ZBTB7C: variants seen among roughly 807,000 people sequenced by gnomAD.
ZBTB7C encodes zinc finger and BTB domain-containing protein 7C.
In ZBTB7C, 8 loss-of-function variants were observed where a neutral mutation model predicts 25.7. The observed-to-expected ratio is 0.31, with a 90% CI of 0.18 to 0.56. ZBTB7C has a LOEUF of 0.56. ZBTB7C is among the 20% of genes least tolerant of loss of function. The pLI, the probability that ZBTB7C is intolerant of heterozygous loss-of-function variation, is 0.91. For synonymous variants in ZBTB7C, 394 were observed against 369.0 expected, an observed-to-expected ratio of 1.07 and a Z score of -0.78; for missense variants, 824 against 855.2, an observed-to-expected ratio of 0.96 and a Z score of 0.46.
At chr18:48,343,106 T>A (rs1568387681) in intron 1 of ZBTB7C, among the ~76,000 whole-genome samples, 1 of 152,204 alleles carries the variant, frequency 6.6e-6, no homozygotes. Context: ...ACCAGCTGGC[T>A]GTGCGACCTT....
chr18:48,231,631 G>A (rs766559195), intron 2 of ZBTB7C, among the ~76,000 whole-genome samples: 1 of 152,198 alleles, frequency 6.6e-6, no homozygotes, highest in Admixed American at 6.5e-5. Context: ...CTTCCTGGAT[G>A]CAGGACAAGA....
intron 2 of ZBTB7C, among the ~76,000 whole-genome samples, chr18:48,217,263 G>A (rs1002600030): frequency 1.3e-5 from 2 of 152,154 alleles, no homozygotes; most frequent in African/African-American, 2.4e-5. Flanking sequence ...TCTCCCCAGC[G>A]TTCTTTGGTA....
At chr18:48,281,177 T>C (rs1412631000) in intron 2 of ZBTB7C, among the ~76,000 whole-genome samples, 3 of 152,114 alleles carry the variant, frequency 2.0e-5, no homozygotes, top group African/African-American at 7.2e-5. Flanking sequence ...AATTAAAATC[T>C]TTGACAAACC....
intron 3 of ZBTB7C, among the ~76,000 whole-genome samples, chr18:48,147,297 C>T (rs768619357): frequency 2.6e-5 from 4 of 152,102 alleles, no homozygotes; most frequent in Non-Finnish European, 5.9e-5. Flanking sequence ...AGGCTGGTCT[C>T]GAACTCCTGA....
chr18:48,208,745 C>G (rs1387019945), intron 2 of ZBTB7C, among the ~76,000 whole-genome samples: 1 of 152,244 alleles, frequency 6.6e-6, no homozygotes. Flanking sequence ...ATCTCAGACT[C>G]TGTGTGGCAG....
chr18:48,401,316 G>A (rs2048152563), intron 1 of ZBTB7C, among the ~76,000 whole-genome samples: 1 of 152,098 alleles, frequency 6.6e-6, no homozygotes, highest in African/African-American at 2.4e-5. Context: ...AATAACAGTG[G>A]CTCCCCTGTA....
chr18:48,294,466 T>A (rs536098077), intron 2 of ZBTB7C, among the ~76,000 whole-genome samples: 1 of 151,850 alleles, frequency 6.6e-6, no homozygotes, highest in East Asian at 1.9e-4. Context: ...CCAGGCCAGC[T>A]CCTCTGGTGC....
intron 1 of ZBTB7C, among the ~76,000 whole-genome samples, chr18:48,370,243 A>G (rs754619919): frequency 6.6e-6 from 1 of 152,240 alleles, no homozygotes. Context: ...GCAATAAAAA[A>G]GAACAAACTA....
intron 3 of ZBTB7C, chr18:48,083,773 G>A: frequency 1.1e-6 from 1 of 934,156 alleles, no homozygotes. Flanking sequence ...ATGGTGGCTG[G>A]GTAAGGAAAC....
upstream of ZBTB7C, among the ~76,000 whole-genome samples, chr18:48,410,363 C>G (rs1178981183): frequency 2.0e-5 from 3 of 152,214 alleles, no homozygotes; most frequent in Admixed American, 1.3e-4. Context: ...CCGCCCGTCA[C>G]TCCCCGGGTC....
At chr18:48,405,979 T>C (rs1825126649) in intron 1 of ZBTB7C, among the ~76,000 whole-genome samples, 1 of 152,104 alleles carries the variant, frequency 6.6e-6, no homozygotes, top group Non-Finnish European at 1.5e-5. Flanking sequence ...GTACCCTCTG[T>C]GTGGTTCATT....
rs185409263 is a variant in ZBTB7C, at chr18:48,230,997, G to A, written c.-78-45002C>T. 2.9e-3 allele frequency among the ~76,000 whole-genome samples: 441 copies of A among 152,246 alleles called. 3 individuals carry two copies. Among genetic ancestry groups the A allele is most frequent in the African/African-American group, 0.01 (427 of 41,550 alleles). ...TGACACACCAGACCCCTGCTGCCTC[G>A]GCCCCCTCTGGACTTTGGGTGCCAA... is the stretch of plus-strand genomic sequence containing the variant. On this transcript the variant is annotated intron_variant, in intron 2 of 4. Transcript: ENST00000590800.
intron 3 of ZBTB7C, among the ~76,000 whole-genome samples, chr18:48,088,083 G>A (rs920598655): frequency 1.3e-5 from 2 of 152,038 alleles, no homozygotes; most frequent in South Asian, 4.2e-4. Flanking sequence ...ATCAAATATC[G>A]ACAAAGCCCT....
chr18:48,188,897 GC>G (rs2042127779), intron 2 of ZBTB7C, among the ~76,000 whole-genome samples: 1 of 152,086 alleles, frequency 6.6e-6, no homozygotes, highest in Non-Finnish European at 1.5e-5. Flanking sequence ...CCCTCATCAA[GC>G]CTTCCAGATC....
At chr18:48,112,260 CTTTT>C (rs1048802422) in intron 3 of ZBTB7C, among the ~76,000 whole-genome samples, 20 of 120,038 alleles carry the variant, frequency 1.7e-4, no homozygotes, top group Admixed American at 6.0e-4. Context: ...TAATTTTTTT[CTTTT>C]TTTTTTTTTT....
At chr18:48,178,450 T>C (rs544610544) in intron 3 of ZBTB7C, among the ~76,000 whole-genome samples, 1 of 152,356 alleles carries the variant, frequency 6.6e-6, no homozygotes, top group East Asian at 1.9e-4. Flanking sequence ...GTTACTGTTC[T>C]GTGAGAAGCA....
intron 3 of ZBTB7C, among the ~76,000 whole-genome samples, chr18:48,047,542 C>T (rs1316011900): frequency 6.6e-6 from 1 of 152,116 alleles, no homozygotes; most frequent in East Asian, 1.9e-4. Flanking sequence ...GGGTTGAAAC[C>T]TTCTTAGATG....
In ZBTB7C at chr18:48,259,225, T is replaced by C. The variant is rs146463850; in HGVS notation, c.-78-73230A>G. ...TCAGCCTCTCAAAGTACTGGGATTA[T>C]AGGCGTGAGCCACTGCACCCAACCA... On this transcript the variant is annotated intron_variant, in intron 2 of 4. Coordinates refer to ENST00000590800, the MANE Select transcript of ZBTB7C (RefSeq NM_001318841.2). Among the ~76,000 whole-genome samples, 1,155 of 151,886 alleles carry C rather than the reference T, an allele frequency of 7.6e-3. 22 individuals are homozygous for C. Among genetic ancestry groups the C allele is most frequent in the African/African-American group, 0.026 (1,096 of 41,390 alleles).
intron 3 of ZBTB7C, among the ~76,000 whole-genome samples, chr18:48,169,438 C>T (rs2041388794): frequency 6.6e-6 from 1 of 152,168 alleles, no homozygotes; most frequent in African/African-American, 2.4e-5. Context: ...AGCACTGGGG[C>T]CCTGCCATCG....
Sources: allele counts gnomAD v4.1 joint callset (sites outside exome capture counted in the v4.1 genomes callset), GRCh38; gene constraint gnomAD v4.1.1; transcripts MANE v1.5; gene names NCBI Gene and HGNC (gene_info 2026-07-23, HGNC 2026-07-21).